The following PPP1R16B variants were observed in gnomAD, a reference collection of about 807,000 sequenced individuals.
PPP1R16B encodes protein phosphatase 1 regulatory subunit 16B.
Under a neutral mutation model 61.7 loss-of-function variants are expected in PPP1R16B, and 14 were observed. That is an observed-to-expected ratio of 0.23 (90% CI 0.15 to 0.35). The LOEUF (loss-of-function observed/expected upper bound fraction) is 0.35, where lower values mean the gene tolerates loss of function less well. Ranked by LOEUF, PPP1R16B falls within the 10% of genes least tolerant of loss-of-function variation. The pLI, the probability that PPP1R16B is intolerant of heterozygous loss-of-function variation, is 1.00. For synonymous variants in PPP1R16B, 266 were observed against 305.3 expected, an observed-to-expected ratio of 0.87 and a Z score of 1.34; for missense variants, 547 against 752.5, an observed-to-expected ratio of 0.73 and a Z score of 3.19.
intron 2 of PPP1R16B, among the ~76,000 whole-genome samples, chr20:38,840,254 G>T (rs1422851649): frequency 6.6e-6 from 1 of 152,148 alleles, no homozygotes; most frequent in Non-Finnish European, 1.5e-5. Context: ...TCACAGTGGC[G>T]TGGGAGCGTG....
chr20:38,844,612 A>C (rs1003575467), intron 2 of PPP1R16B, among the ~76,000 whole-genome samples: 4 of 152,248 alleles, frequency 2.6e-5, no homozygotes, highest in African/African-American at 9.6e-5. Context: ...TTAAGGTTTC[A>C]TAAAATTAAT....
At chr20:38,906,214 A>C in intron 7 of PPP1R16B, 120 bp downstream of exon 7, 4 of 1,010,166 alleles carry the variant, frequency 4.0e-6, no homozygotes, top group Admixed American at 3.1e-5. Flanking sequence ...AAGGTGTTGA[A>C]TATAGCTCAT....
At chr20:38,889,856 A>G (rs1410501739) in intron 3 of PPP1R16B, among the ~76,000 whole-genome samples, 191 bp downstream of exon 3, 2 of 152,228 alleles carry the variant, frequency 1.3e-5, no homozygotes, top group East Asian at 1.9e-4. Context: ...GCCATCCCAC[A>G]GAGCCCTGTG....
At chr20:38,894,263 C>A (rs2085316832) in intron 3 of PPP1R16B, among the ~76,000 whole-genome samples, 1 of 152,144 alleles carries the variant, frequency 6.6e-6, no homozygotes, top group African/African-American at 2.4e-5. Context: ...TGTGGTGCCG[C>A]CCCATCCCAC....
chr20:38,868,189 C>T (rs548206947), intron 2 of PPP1R16B, among the ~76,000 whole-genome samples: 1 of 152,334 alleles, frequency 6.6e-6, no homozygotes, highest in Non-Finnish European at 1.5e-5. Flanking sequence ...TTGCTCAGCA[C>T]AGTGTACACG....
intron 10 of PPP1R16B, among the ~76,000 whole-genome samples, chr20:38,911,693 C>G (rs1015545490): frequency 1.3e-5 from 2 of 151,802 alleles, no homozygotes; most frequent in African/African-American, 2.4e-5. Flanking sequence ...CGTGCCACCA[C>G]GCCCGGCTAA....
At chr20:38,819,548 A>G (rs551169945) in intron 1 of PPP1R16B, among the ~76,000 whole-genome samples, 1 of 152,296 alleles carries the variant, frequency 6.6e-6, no homozygotes, top group Non-Finnish European at 1.5e-5. Context: ...TGTAACTCCT[A>G]TTAACATCCT....
At chr20:38,864,854 A>G (rs1416646027) in intron 2 of PPP1R16B, among the ~76,000 whole-genome samples, 1 of 152,224 alleles carries the variant, frequency 6.6e-6, no homozygotes, top group African/African-American at 2.4e-5. Context: ...TCTCTGACCC[A>G]GTTTGAGAGT....
chr20:38,818,403 G>C (rs574088947), intron 1 of PPP1R16B, among the ~76,000 whole-genome samples: 15 of 152,244 alleles, frequency 9.9e-5, no homozygotes, highest in African/African-American at 3.4e-4. Flanking sequence ...GGGAAGTCAG[G>C]CTGGCCAGAG....
intron 10 of PPP1R16B, among the ~76,000 whole-genome samples, chr20:38,916,093 C>T (rs999509212): frequency 4.0e-5 from 6 of 148,878 alleles, no homozygotes; most frequent in Non-Finnish European, 8.9e-5. Flanking sequence ...AGGTTGGACT[C>T]GGTGGCTCAT....
At chr20:38,860,697 A>G (rs2085043484) in intron 2 of PPP1R16B, among the ~76,000 whole-genome samples, 1 of 152,218 alleles carries the variant, frequency 6.6e-6, no homozygotes, top group African/African-American at 2.4e-5. Flanking sequence ...AGGATAAGGA[A>G]GCAAGGTCTA....
intron 2 of PPP1R16B, among the ~76,000 whole-genome samples, chr20:38,876,504 G>T (rs1213230773): frequency 6.7e-6 from 1 of 148,830 alleles, no homozygotes; most frequent in East Asian, 2.0e-4. Flanking sequence ...TTCATGTATT[G>T]CCAAATATTA....
Position 38,903,204 on chromosome 20 carries a change from G to C in PPP1R16B, c.696+412G>C, listed in dbSNP as rs1366056963. 6.6e-5 allele frequency among the ~76,000 whole-genome samples: 10 copies of C among 152,266 alleles called. 1 individual carries two copies. Among genetic ancestry groups the C allele is most frequent in the African/African-American group, 2.4e-4 (10 of 41,526 alleles). On this transcript the variant is annotated intron_variant, in intron 6 of 10. Transcript: ENST00000299824. ...CTTGGAGTTAGGAGCCTGGGTCGGA[G>C]ACCTGGCTCCCACCTGTTCACCAAC...
intron 2 of PPP1R16B, among the ~76,000 whole-genome samples, chr20:38,887,289 T>A (rs569738713): frequency 1.2e-4 from 19 of 152,276 alleles, no homozygotes; most frequent in African/African-American, 4.3e-4. Context: ...GCAGGTAGGA[T>A]GATTGTGCAC....
chr20:38,843,575 T>C (rs1158546960), intron 2 of PPP1R16B, among the ~76,000 whole-genome samples: 1 of 152,252 alleles, frequency 6.6e-6, no homozygotes, highest in African/African-American at 2.4e-5. Context: ...AATGCCTTTA[T>C]GACCTTGTGT....
intron 2 of PPP1R16B, among the ~76,000 whole-genome samples, chr20:38,839,855 G>A (rs994074562): frequency 1.3e-5 from 2 of 152,108 alleles, no homozygotes; most frequent in Non-Finnish European, 2.9e-5. Context: ...CAGTAGCTTC[G>A]CTTTTGCCAC....
intron 3 of PPP1R16B, among the ~76,000 whole-genome samples, chr20:38,895,074 G>A (rs2085324158): frequency 6.6e-6 from 1 of 152,154 alleles, no homozygotes. Flanking sequence ...TTCAAGCTAT[G>A]ATCTTGAAAC....
chr20:38,894,499 G>A (rs1480503097), intron 3 of PPP1R16B, among the ~76,000 whole-genome samples: 1 of 152,226 alleles, frequency 6.6e-6, no homozygotes, highest in African/African-American at 2.4e-5. Context: ...TGTTCTCCAC[G>A]TGTAATCAGA....
At chr20:38,912,891 G>A (rs986999045) in intron 10 of PPP1R16B, among the ~76,000 whole-genome samples, 2 of 152,132 alleles carry the variant, frequency 1.3e-5, no homozygotes, top group African/African-American at 4.8e-5. Flanking sequence ...CTGAGACAAG[G>A]TCTCACTCTG....
Sources: gnomAD v4.1 joint callset for allele counts (sites outside exome capture counted in the v4.1 genomes callset) on GRCh38, gnomAD v4.1.1 for gene constraint, MANE v1.5 for transcripts, NCBI Gene and HGNC (gene_info 2026-07-23, HGNC 2026-07-21) for gene names.